Variants in SNX30 observed in about 807,000 individuals in gnomAD.
The protein encoded by SNX30 is sorting nexin-30.
In SNX30, 24 loss-of-function variants were observed where a neutral mutation model predicts 46.4. The ratio of observed to expected loss-of-function variants is 0.52; its 90% CI spans 0.37 to 0.73. The LOEUF is 0.73. Ranked by LOEUF, SNX30 falls within the 30% of genes least tolerant of loss-of-function variation. The pLI is 0.00. For synonymous variants in SNX30, 189 were observed against 211.5 expected (o/e 0.89, Z 0.92); for missense variants, 533 against 555.7 (o/e 0.96, Z 0.41).
At chr9:112,793,449 GC>G (rs1840058474) in intron 1 of SNX30, among the ~76,000 whole-genome samples, 1 of 152,182 alleles carries the variant, frequency 6.6e-6, no homozygotes. Flanking sequence ...ATTTGCCTGT[GC>G]TTGGCATCCC....
At chr9:112,843,173 T>C (rs1840885069) in intron 6 of SNX30, among the ~76,000 whole-genome samples, 1 of 152,216 alleles carries the variant, frequency 6.6e-6, no homozygotes, top group South Asian at 2.1e-4. Context: ...GACTGTCTTA[T>C]TTCCCACACT....
chr9:112,778,027 T>C (rs1839777777), intron 1 of SNX30, among the ~76,000 whole-genome samples: 1 of 152,092 alleles, frequency 6.6e-6, no homozygotes, highest in African/African-American at 2.4e-5. Context: ...AGAAGTTGGC[T>C]GGGGCTGCAG....
At chr9:112,760,121 A>G (rs1439990019) in intron 1 of SNX30, among the ~76,000 whole-genome samples, 1 of 152,210 alleles carries the variant, frequency 6.6e-6, no homozygotes, top group African/African-American at 2.4e-5. Context: ...TTAGTTGCAT[A>G]GGTGATGGGT....
intron 3 of SNX30, among the ~76,000 whole-genome samples, chr9:112,828,355 A>G (rs1337754307): frequency 1.3e-5 from 2 of 151,968 alleles, no homozygotes; most frequent in Non-Finnish European, 2.9e-5. Context: ...GCTAGGAGCA[A>G]TAGCCTATAC....
intron 4 of SNX30, among the ~76,000 whole-genome samples, chr9:112,832,241 G>A (rs961126726): frequency 6.6e-6 from 1 of 151,804 alleles, no homozygotes; most frequent in Non-Finnish European, 1.5e-5. Context: ...TAAACCTCAG[G>A]TATAATTCCT....
downstream of SNX30, among the ~76,000 whole-genome samples, chr9:112,884,837 AG>A (rs1051588945): frequency 8.6e-4 from 131 of 152,326 alleles, no homozygotes; most frequent in African/African-American, 3.0e-3. Flanking sequence ...GGTTTTGTTT[AG>A]GTTAAAGAGA....
chr9:112,790,428 G>A (rs1175885098), intron 1 of SNX30, among the ~76,000 whole-genome samples: 1 of 152,156 alleles, frequency 6.6e-6, no homozygotes, highest in Non-Finnish European at 1.5e-5. Flanking sequence ...GCCCTCTCCT[G>A]CAAGTCTTCC....
In SNX30 at chr9:112,751,035, A is replaced by G; in HGVS notation, c.34A>G (p.Thr12Ala). The change falls in exon 1 of 9, where the codon ACG becomes GCG. Residue 12 changes from threonine to alanine, a missense_variant. Around this residue, in one of 3 missense-constraint regions of SNX30, gnomAD observed 191 missense variants for 160.3 expected, o/e 1.19. Coordinates refer to ENST00000374232, the MANE Select transcript of SNX30 (RefSeq NM_001012994.2). The part of the protein sequence containing the change: ...AGGPPKALPS[T>A]GPHSLRDMPH... The stretch of plus-strand genomic sequence containing the variant: ...CGGGCCCCCCAAGGCCCTGCCGTCC[A>G]CGGGGCCCCACTCCCTGCGCGACAT... 1 of 1,450,664 alleles carries G rather than the reference A, an allele frequency of 6.9e-7. No individual in the cohort carries two copies. The highest frequency in any genetic ancestry group is 9.1e-7 in the Non-Finnish European group (1 of 1,102,914). 89.9% of individuals were successfully genotyped at this position (1,450,664 alleles called of 1,614,324 possible). A position where few individuals can be genotyped will look rare whatever the true frequency, so the allele number is the denominator to read the frequency against.
At chr9:112,805,794 T>TTA (rs1475667794) in intron 2 of SNX30, among the ~76,000 whole-genome samples, 1 of 152,204 alleles carries the variant, frequency 6.6e-6, no homozygotes, top group East Asian at 1.9e-4. Context: ...TTAAAACTTA[T>TTA]ATCCTTTAGT....
In SNX30 at chr9:112,871,458, G is replaced by A. The variant is rs1841443839; in HGVS notation, c.*2615G>A. 6.6e-6 allele frequency: 1 copy of A among 152,090 alleles called. No homozygotes were observed. The highest frequency in any genetic ancestry group is 6.5e-5 in the Admixed American group (1 of 15,274). The allele number at this position is 152,090 out of a possible 1,614,324, so 9.4% of individuals were successfully genotyped here. On this transcript the variant is annotated 3_prime_UTR_variant, in exon 9 of 9. Transcript: ENST00000374232. ...GAGATATTCCCTAGAAGTGTCACAC[G>A]GAGGCTTCTGTGCCAAAGACTGCCT...
chr9:112,756,662 T>A (rs1398147225), intron 1 of SNX30, among the ~76,000 whole-genome samples: 1 of 152,086 alleles, frequency 6.6e-6, no homozygotes, highest in Non-Finnish European at 1.5e-5. Flanking sequence ...GGTTTCACCA[T>A]ATTGGCCAGG....
chr9:112,822,536 G>GTTTTTT lies in SNX30; in HGVS notation c.459+4725_459+4726insTTTTTT, dbSNP rs139781990. Among the ~76,000 whole-genome samples, 138 of 123,686 alleles carry GTTTTTT rather than the reference G, an allele frequency of 1.1e-3. 31 individuals are homozygous for GTTTTTT. Among genetic ancestry groups the GTTTTTT allele is most frequent in the South Asian group, 1.2e-3 (5 of 4,120 alleles). The allele number at this position is 123,686 out of a possible 152,430, so 81.1% of individuals were successfully genotyped here. ...TTTTCTTTTGTCCCTTTGCTGTTTTGTTTTGTTTTTTTTTTTTGTAAGAAC... is the reference window on the plus strand; with the variant it reads ...TTTTCTTTTGTCCCTTTGCTGTTTTGTTTTTTTTTTGTTTTTTTTTTTTGTAAGAAC... On this transcript the variant is annotated intron_variant, in intron 3 of 8. Transcript: ENST00000374232.
chr9:112,860,938 ACT>A (rs1160462447), intron 7 of SNX30, among the ~76,000 whole-genome samples: 4 of 152,184 alleles, frequency 2.6e-5, no homozygotes, highest in Non-Finnish European at 4.4e-5. Context: ...GTGTGCAATG[ACT>A]CTCTGGAACC....
At chr9:112,832,495 TGA>T (rs142505240) in intron 4 of SNX30, among the ~76,000 whole-genome samples, 2 of 135,406 alleles carry the variant, frequency 1.5e-5, no homozygotes, top group African/African-American at 2.9e-5. Flanking sequence ...TGTGTGTGTG[TGA>T]GAGAGAGAGA....
intron 4 of SNX30, among the ~76,000 whole-genome samples, chr9:112,832,683 G>A (rs1046376359): frequency 6.7e-5 from 10 of 149,352 alleles, no homozygotes; most frequent in African/African-American, 2.2e-4. Flanking sequence ...GCTAAATGAC[G>A]AGTTAATGGG....
At chr9:112,818,453 C>G (rs1840440117) in intron 3 of SNX30, among the ~76,000 whole-genome samples, 2 of 152,186 alleles carry the variant, frequency 1.3e-5, no homozygotes, top group South Asian at 4.1e-4. Context: ...TGGTCTCGAA[C>G]TCCTGATCTC....
chr9:112,841,520 G>T (rs2131465429), intron 6 of SNX30, among the ~76,000 whole-genome samples: 1 of 152,332 alleles, frequency 6.6e-6, no homozygotes, highest in South Asian at 2.1e-4. Context: ...TGGAAAAGAG[G>T]AAGTGTGGAC....
At chr9:112,842,620 C>G (rs149122933) in intron 6 of SNX30, among the ~76,000 whole-genome samples, 1,937 of 152,362 alleles carry the variant, frequency 0.013, 15 homozygotes, top group Non-Finnish European at 0.019. Flanking sequence ...GGCCACAGGA[C>G]TATACTCCTT....
At position 112,836,266 on chromosome 9, in the gene SNX30, A is replaced by G. The variant is rs1840749034; in HGVS notation, c.671A>G (p.Glu224Gly). The G allele has an allele frequency of 5.0e-6, 8 of 1,611,954 alleles. No homozygotes were observed. In the East Asian group the frequency reaches 1.8e-4, roughly 36 times the overall value. Residue 224 changes from glutamate (E) to glycine (G), a missense_variant, in exon 5 of 9, where the codon GAG (glutamate) becomes GGG (glycine). Physicochemically the swap from Glu to Gly is moderately conservative, Grantham distance 98 (BLOSUM62 -2). Around this residue, in one of 3 missense-constraint regions of SNX30, gnomAD observed 261 missense variants for 270.9 expected, o/e 0.96. Transcript: ENST00000374232. Reference sequence around the variant, plus strand: ...ATAGCATTGCTGACCAGAATGGGCGAGTCAGTCAAGCACGTCACTGGCGGC... The same window carrying G: ...ATAGCATTGCTGACCAGAATGGGCGGGTCAGTCAAGCACGTCACTGGCGGC... ...QGIALLTRMGESVKHVTGGYK... is the reference protein window; with the variant it reads ...QGIALLTRMGGSVKHVTGGYK...
Sources: allele counts gnomAD v4.1 joint callset (sites outside exome capture counted in the v4.1 genomes callset), GRCh38; gene constraint gnomAD v4.1.1; regional missense constraint gnomAD v4.1.1; transcripts MANE v1.5; gene names NCBI Gene and HGNC (gene_info 2026-07-23, HGNC 2026-07-21).